Variants in CDH18 observed in about 807,000 individuals in gnomAD.
CDH18 encodes cadherin 18, also known as cadherin-18.
Under a neutral mutation model 67.9 loss-of-function variants are expected in CDH18, and 31 were observed. That is an observed-to-expected ratio of 0.46 (90% confidence interval 0.34 to 0.62). The LOEUF is 0.62. Among genes scored for constraint, CDH18 ranks in the 20% least tolerant of loss-of-function variants. The probability of loss-of-function intolerance (pLI) is 0.01; values close to 1 mark genes in which losing one functional copy is unlikely to be tolerated. For synonymous variants in CDH18, 362 were observed against 347.2 expected, an observed-to-expected ratio of 1.04 and a Z score of -0.48; for missense variants, 890 against 975.5, an observed-to-expected ratio of 0.91 and a Z score of 1.17.
At chr5:20,135,708 T>C (rs1369651702) in intron 2 of CDH18, among the ~76,000 whole-genome samples, 2 of 152,192 alleles carry the variant, frequency 1.3e-5, no homozygotes, top group Non-Finnish European at 2.9e-5. Flanking sequence ...AGATCTTTCC[T>C]GCTTTCTCTT....
intron 1 of CDH18, among the ~76,000 whole-genome samples, chr5:20,403,359 G>C (rs925548273): frequency 1.3e-5 from 2 of 152,072 alleles, no homozygotes; most frequent in African/African-American, 4.8e-5. Flanking sequence ...CTGGAGTTTG[G>C]TGTACAAATG....
intron 1 of CDH18, among the ~76,000 whole-genome samples, chr5:20,375,097 G>A (rs2150090414): frequency 6.6e-6 from 1 of 152,214 alleles, no homozygotes; most frequent in Middle Eastern, 3.4e-3. Context: ...GTCTCACTTT[G>A]TAATATCATT....
intron 2 of CDH18, among the ~76,000 whole-genome samples, chr5:20,219,122 A>G (rs1741014838): frequency 6.6e-6 from 1 of 152,026 alleles, no homozygotes; most frequent in Non-Finnish European, 1.5e-5. Flanking sequence ...AAAAAGAGAG[A>G]AGTCCAAAAT....
intron 1 of CDH18, among the ~76,000 whole-genome samples, chr5:20,287,618 T>C (rs10060503): frequency 0.11 from 16,390 of 151,794 alleles, 1,258 homozygotes; most frequent in African/African-American, 0.21. Flanking sequence ...TTTTCAACTC[T>C]AATGATATGC....
intron 8 of CDH18, among the ~76,000 whole-genome samples, chr5:19,549,117 A>G (rs1736878694): frequency 6.6e-6 from 1 of 152,092 alleles, no homozygotes; most frequent in Non-Finnish European, 1.5e-5. Flanking sequence ...TTCCTTTCTG[A>G]ATCTCATATT....
rs111720776 is a variant in CDH18, at chr5:20,092,018, G to C, written c.-517-100004C>G. The stretch of plus-strand genomic sequence containing the variant: ...GGAACCATAGACAAAAATTGATATT[G>C]ACTCTTCCTGTTTTCTTACATGATT... On this transcript the variant is annotated intron_variant, in intron 2 of 14. Transcript: ENST00000507958. Among the ~76,000 whole-genome samples, 628 of 152,186 alleles carry C rather than the reference G, an allele frequency of 4.1e-3. 4 individuals carry two copies. The highest frequency in any genetic ancestry group is 6.5e-3 in the Non-Finnish European group (443 of 68,006).
chr5:20,511,332 G>A (rs541713506), intron 1 of CDH18, among the ~76,000 whole-genome samples: 1 of 152,094 alleles, frequency 6.6e-6, no homozygotes, highest in African/African-American at 2.4e-5. Flanking sequence ...CAGACAGATA[G>A]CTCACAGAAA....
At chr5:20,058,318 T>C (rs1469949691) in intron 2 of CDH18, among the ~76,000 whole-genome samples, 1 of 152,168 alleles carries the variant, frequency 6.6e-6, no homozygotes, top group African/African-American at 2.4e-5. Flanking sequence ...GGAACTTCTT[T>C]ACAGCTATTA....
At chr5:19,612,006 A>G (rs1749055548) in intron 6 of CDH18, among the ~76,000 whole-genome samples, 1 of 150,816 alleles carries the variant, frequency 6.6e-6, no homozygotes, top group South Asian at 2.1e-4. Flanking sequence ...ATGCATTTGT[A>G]TACAGCATTT....
At chr5:19,855,879 C>G (rs1357219514) in intron 2 of CDH18, among the ~76,000 whole-genome samples, 2 of 151,956 alleles carry the variant, frequency 1.3e-5, no homozygotes, top group African/African-American at 2.4e-5. Context: ...TTCAAAATAA[C>G]TCATTTAAGA....
chr5:20,269,435 G>A (rs1434611821), intron 1 of CDH18, among the ~76,000 whole-genome samples: 5 of 152,060 alleles, frequency 3.3e-5, no homozygotes, highest in African/African-American at 1.2e-4. Flanking sequence ...GTTTATCACA[G>A]CACTATTCAC....
In CDH18 at chr5:20,238,720, T is replaced by C. The variant is rs986543837; in HGVS notation, c.-518+16724A>G. On this transcript the variant is annotated intron_variant, in intron 2 of 14. Coordinates refer to the CDH18 transcript ENST00000507958. ...AAAGAAAAGAAAGTATGTGGCCATA[T>C]AAAGGCTATGAATGTTTAGAGTTGC... Among the ~76,000 whole-genome samples, 4 of 152,288 alleles carry C rather than the reference T, an allele frequency of 2.6e-5. No individual in the cohort carries two copies. In the East Asian group the frequency reaches 7.7e-4, roughly 29 times the overall value.
intron 7 of CDH18, among the ~76,000 whole-genome samples, chr5:19,575,350 G>T (rs1742146747): frequency 6.6e-6 from 1 of 152,120 alleles, no homozygotes; most frequent in Admixed American, 6.5e-5. Flanking sequence ...AAACTCACTT[G>T]GTAGGGAAGA....
intron 3 of CDH18, among the ~76,000 whole-genome samples, chr5:19,787,377 G>A (rs192536240): frequency 6.6e-6 from 1 of 152,062 alleles, no homozygotes; most frequent in Admixed American, 6.6e-5. Flanking sequence ...GCTTGAACCT[G>A]GGAGGCAGAG....
intron 6 of CDH18, among the ~76,000 whole-genome samples, chr5:19,604,225 T>C (rs1440376278): frequency 2.0e-5 from 3 of 152,086 alleles, no homozygotes; most frequent in Non-Finnish European, 2.9e-5. Flanking sequence ...TTTACTACAG[T>C]AATTTTGTCA....
chr5:20,061,279 GAAAT>G (rs1049515461), intron 2 of CDH18, among the ~76,000 whole-genome samples: 9 of 151,712 alleles, frequency 5.9e-5, no homozygotes, highest in South Asian at 2.1e-4. Context: ...AAATTATTTA[GAAAT>G]AAATAATGAA....
Position 19,603,624 on chromosome 5 carries a change from G to A in CDH18, c.811+8810C>T, listed in dbSNP as rs576923771. 4.0e-5 allele frequency among the ~76,000 whole-genome samples: 6 copies of A among 151,494 alleles called. No individual in the cohort carries two copies. In the South Asian group the frequency reaches 1.2e-3, roughly 32 times the overall value. On this transcript the variant is annotated intron_variant, in intron 6 of 12. Transcript: ENST00000382275. Reference sequence around the variant, plus strand: ...GAAGAAGAGACACAACAAATGCTGGGAATTTATGATGAAAATCTGACCAAA... The same window carrying A: ...GAAGAAGAGACACAACAAATGCTGGAAATTTATGATGAAAATCTGACCAAA...
chr5:19,607,410 A>G (rs967869949), intron 6 of CDH18, among the ~76,000 whole-genome samples: 2 of 151,422 alleles, frequency 1.3e-5, no homozygotes, highest in African/African-American at 4.8e-5. Flanking sequence ...AAGTCATTCT[A>G]TTTTCAAGCA....
rs758641255 is a variant in CDH18 at position 20,393,439 on chromosome 5, G to A, written c.-579-137934C>T. ...AGGCGTTCTCACTGCTGGTATAGAC[G>A]AACATTTGTGTGCCTTTCTTCTTGT... On this transcript the variant is annotated intron_variant, in intron 1 of 14. Coordinates refer to the CDH18 transcript ENST00000507958. Among the ~76,000 whole-genome samples the A allele has an allele frequency of 5.9e-5, 9 of 151,808 alleles. No individual in the cohort carries two copies. The South Asian group carries it at 1.0e-3, about 17-fold the overall frequency.
Sources: gnomAD v4.1 joint callset for allele counts (sites outside exome capture counted in the v4.1 genomes callset) on GRCh38, gnomAD v4.1.1 for gene constraint, MANE v1.5 for transcripts, NCBI Gene and HGNC (gene_info 2026-07-23, HGNC 2026-07-21) for gene names.